Variants in DLG2 observed in about 807,000 individuals in gnomAD.
DLG2 encodes the protein disks large homolog 2.
Under a neutral mutation model 132.5 loss-of-function variants are expected in DLG2, and 45 were observed. The ratio of observed to expected loss-of-function variants is 0.34; its 90% CI spans 0.27 to 0.44. The LOEUF (loss-of-function observed/expected upper bound fraction) is 0.44, where lower values mean the gene tolerates loss of function less well. Ranked by LOEUF, DLG2 falls within the 20% of genes least tolerant of loss-of-function variation. DLG2 has a pLI of 1.00. For missense variants in DLG2, 1,045 were observed against 1,196.9 expected (o/e 0.87, Z 1.87); for synonymous variants, 424 against 419.6 (o/e 1.01, Z -0.13).
intron 3 of DLG2, among the ~76,000 whole-genome samples, chr11:85,562,919 G>A (rs1417365087): frequency 6.6e-6 from 1 of 151,828 alleles, no homozygotes; most frequent in Non-Finnish European, 1.5e-5. Flanking sequence ...AGAGAAGGGA[G>A]TGCCTAAGTT....
At chr11:85,356,445 C>G (rs1159845214) in intron 3 of DLG2, among the ~76,000 whole-genome samples, 1 of 151,962 alleles carries the variant, frequency 6.6e-6, no homozygotes, top group East Asian at 1.9e-4. Context: ...AAAATGCAAG[C>G]TCCTAGAGTA....
At chr11:83,919,755 A>G (rs2077529544) in intron 15 of DLG2, among the ~76,000 whole-genome samples, 1 of 152,180 alleles carries the variant, frequency 6.6e-6, no homozygotes, top group Admixed American at 6.5e-5. Flanking sequence ...GTTTAGTCCA[A>G]TCTTTGTACC....
At chr11:83,915,979 A>T (rs1227423393) in intron 15 of DLG2, among the ~76,000 whole-genome samples, 1 of 152,176 alleles carries the variant, frequency 6.6e-6, no homozygotes, top group African/African-American at 2.4e-5. Flanking sequence ...TTTCACAGAA[A>T]TGGAATCATG....
At chr11:85,122,969 ATTTTTTTTTTTTT>A (rs1175644391) in intron 5 of DLG2, among the ~76,000 whole-genome samples, 1 of 86,892 alleles carries the variant, frequency 1.2e-5, no homozygotes, top group Non-Finnish European at 2.1e-5. Flanking sequence ...ATATATATAT[ATTTTTTTTTTTTT>A]TTTTTTTTTT....
intron 6 of DLG2, among the ~76,000 whole-genome samples, chr11:84,683,469 CT>C (rs2099735312): frequency 6.6e-6 from 1 of 152,256 alleles, no homozygotes; most frequent in South Asian, 2.1e-4. Flanking sequence ...TGACTTCAAC[CT>C]AAGAACTGCA....
chr11:84,859,428 A>C (rs2083304894), intron 6 of DLG2, among the ~76,000 whole-genome samples: 1 of 145,190 alleles, frequency 6.9e-6, no homozygotes. Context: ...ATACATATAC[A>C]TATATATGTA....
chr11:83,951,322 A>G (rs940860193), intron 14 of DLG2, among the ~76,000 whole-genome samples: 3 of 152,162 alleles, frequency 2.0e-5, no homozygotes, highest in Admixed American at 1.3e-4. Flanking sequence ...TAATCAATAT[A>G]CAAAACAGAT....
intron 14 of DLG2, among the ~76,000 whole-genome samples, chr11:83,956,226 T>C (rs111770652): frequency 0.012 from 1,899 of 152,250 alleles, 31 homozygotes; most frequent in African/African-American, 0.044. Flanking sequence ...TCATTCTTCA[T>C]GGATGCTGGA....
chr11:83,884,938 C>T (rs1595915077), intron 15 of DLG2, among the ~76,000 whole-genome samples: 1 of 152,100 alleles, frequency 6.6e-6, no homozygotes, highest in Admixed American at 6.5e-5. Flanking sequence ...ACACCAAAAA[C>T]CCATCTGTAC....
intron 6 of DLG2, among the ~76,000 whole-genome samples, chr11:85,059,403 G>A (rs1037791159): frequency 6.6e-6 from 1 of 151,460 alleles, no homozygotes; most frequent in Non-Finnish European, 1.5e-5. Context: ...TCTAGCAATT[G>A]TACTACCAGT....
At chr11:84,518,840 C>T (rs2099282848) in intron 7 of DLG2, among the ~76,000 whole-genome samples, 1 of 152,064 alleles carries the variant, frequency 6.6e-6, no homozygotes, top group Admixed American at 6.6e-5. Flanking sequence ...GGATCCAAAT[C>T]AAAGCTATGA....
intron 18 of DLG2, chr11:83,682,417 G>C (rs527631644): frequency 2.0e-6 from 2 of 985,326 alleles, no homozygotes; most frequent in South Asian, 4.7e-5. Flanking sequence ...AACTCATCCT[G>C]ATAAATATAT....
intron 17 of DLG2, among the ~76,000 whole-genome samples, chr11:83,802,074 T>G (rs1295568544): frequency 6.6e-6 from 1 of 152,040 alleles, no homozygotes; most frequent in Admixed American, 6.6e-5. Context: ...AGACTTTTTT[T>G]TTTTCTTTTT....
intron 21 of DLG2, among the ~76,000 whole-genome samples, chr11:83,500,238 T>C (rs968551183): frequency 4.6e-5 from 7 of 152,056 alleles, no homozygotes; most frequent in Non-Finnish European, 7.4e-5. Flanking sequence ...CAGTATATAT[T>C]TGGTGCATGA....
At chr11:85,212,307 CTCTCCTCTCCCCTTTCTT>C (rs1161402787) in intron 4 of DLG2, among the ~76,000 whole-genome samples, 1 of 152,042 alleles carries the variant, frequency 6.6e-6, no homozygotes, top group Non-Finnish European at 1.5e-5. Flanking sequence ...CACTCACTCC[CTCTCCTCTCCCCTTTCTT>C]TCTCCGTCTT....
chr11:84,960,002 T>C (rs1169179241), intron 6 of DLG2, among the ~76,000 whole-genome samples: 3 of 152,218 alleles, frequency 2.0e-5, no homozygotes, highest in Non-Finnish European at 4.4e-5. Flanking sequence ...AATTAGCATA[T>C]AATAAATATC....
At chr11:83,807,861 A>G (rs991842081) in intron 17 of DLG2, among the ~76,000 whole-genome samples, 1 of 152,144 alleles carries the variant, frequency 6.6e-6, no homozygotes, top group African/African-American at 2.4e-5. Context: ...AGCTAACATA[A>G]GAGATACGGT....
chr11:84,583,864 T>C (rs181389439), intron 6 of DLG2, among the ~76,000 whole-genome samples: 61 of 152,288 alleles, frequency 4.0e-4, no homozygotes, highest in Middle Eastern at 3.4e-3. Flanking sequence ...TCCATTTGAT[T>C]TTATGTTTCA....
intron 6 of DLG2, among the ~76,000 whole-genome samples, chr11:84,572,775 C>G (rs921905995): frequency 6.6e-6 from 1 of 151,734 alleles, no homozygotes; most frequent in African/African-American, 2.4e-5. Context: ...AAAAAAAAAA[C>G]AGGCTTGCTT....
Sources: gnomAD v4.1 joint callset for allele counts (sites outside exome capture counted in the v4.1 genomes callset) on GRCh38, gnomAD v4.1.1 for gene constraint, MANE v1.5 for transcripts, NCBI Gene and HGNC (gene_info 2026-07-23, HGNC 2026-07-21) for gene names.